Variants in CTNNA2 observed in about 807,000 individuals in gnomAD.
CTNNA2 encodes the protein catenin alpha-2.
CTNNA2 carries 42 observed loss-of-function variants against 101.0 expected under a neutral mutation model. The ratio of observed to expected loss-of-function variants is 0.42; its 90% CI spans 0.32 to 0.54. The LOEUF is 0.54. CTNNA2 is among the 20% of genes least tolerant of loss of function. CTNNA2 has a pLI of 0.14. For synonymous variants in CTNNA2, 450 were observed against 456.4 expected, an observed-to-expected ratio of 0.99 and a Z score of 0.18; for missense variants, 871 against 1,223.1, an observed-to-expected ratio of 0.71 and a Z score of 4.29.
intron 7 of CTNNA2, among the ~76,000 whole-genome samples, chr2:80,120,997 A>AG (rs1280883535): frequency 6.6e-6 from 1 of 152,212 alleles, no homozygotes; most frequent in Non-Finnish European, 1.5e-5. Context: ...TGGCTAATGA[A>AG]GGCATCTACT....
chr2:79,339,281 G>A lies in CTNNA2; in HGVS notation c.-318+26485G>A, dbSNP rs555724202. ...AGAATCCAAGAGAAGAGCATTTCAA[G>A]GGGAGTGAAAAGGAGTGTTGAGTGC... On this transcript the variant is annotated intron_variant, in intron 3 of 21. Coordinates refer to the CTNNA2 transcript ENST00000466387. Among the ~76,000 whole-genome samples the A allele has an allele frequency of 2.5e-3, 379 of 152,276 alleles. 2 individuals are homozygous for A. The highest frequency in any genetic ancestry group is 4.2e-3 in the Non-Finnish European group (289 of 68,028).
upstream of CTNNA2, among the ~76,000 whole-genome samples, chr2:79,508,087 G>A (rs762924341): frequency 3.3e-5 from 5 of 152,146 alleles, no homozygotes; most frequent in Non-Finnish European, 7.4e-5. Context: ...GTGAACATAT[G>A]AACCAGAGTG....
chr2:80,375,614 G>A (rs1675876694), intron 7 of CTNNA2, among the ~76,000 whole-genome samples: 1 of 136,712 alleles, frequency 7.3e-6, no homozygotes, highest in African/African-American at 2.8e-5. Context: ...GCCCAGGCTG[G>A]AGTGCAGTGG....
chr2:79,671,147 C>T (rs577021988), intron 2 of CTNNA2, among the ~76,000 whole-genome samples: 10 of 152,272 alleles, frequency 6.6e-5, no homozygotes, highest in Admixed American at 3.3e-4. Context: ...GCACTGGATC[C>T]TTGGGGAAAG....
intron 3 of CTNNA2, among the ~76,000 whole-genome samples, chr2:79,855,604 G>C (rs1161467354): frequency 6.6e-6 from 1 of 152,172 alleles, no homozygotes; most frequent in African/African-American, 2.4e-5. Flanking sequence ...CAGGGAAGGG[G>C]TGTGACTGCC....
chr2:79,977,105 T>C (rs58995989), intron 7 of CTNNA2, among the ~76,000 whole-genome samples: 198 of 152,320 alleles, frequency 1.3e-3, no homozygotes, highest in African/African-American at 4.7e-3. Flanking sequence ...AGAAATGTAT[T>C]AATAGGATAG....
At chr2:80,490,907 A>G (rs1234662217) in intron 9 of CTNNA2, among the ~76,000 whole-genome samples, 2 of 152,180 alleles carry the variant, frequency 1.3e-5, no homozygotes, top group East Asian at 1.9e-4. Flanking sequence ...TTTCGTATGA[A>G]CTGCCATTAA....
At chr2:79,308,031 T>C (rs1424844306) in intron 2 of CTNNA2, among the ~76,000 whole-genome samples, 1 of 152,144 alleles carries the variant, frequency 6.6e-6, no homozygotes, top group Admixed American at 6.6e-5. Flanking sequence ...GAAATGTCTA[T>C]TCAGATGATT....
At chr2:80,496,950 C>T (rs4852176) in intron 9 of CTNNA2, among the ~76,000 whole-genome samples, 4,705 of 152,156 alleles carry the variant, frequency 0.031, 191 homozygotes, top group East Asian at 0.15. Flanking sequence ...ATCATCAACA[C>T]GATGCCTTTT....
intron 9 of CTNNA2, among the ~76,000 whole-genome samples, chr2:80,484,751 A>C (rs75457715): frequency 0.029 from 4,469 of 152,300 alleles, 99 homozygotes; most frequent in East Asian, 0.13. Flanking sequence ...TCACACCTGT[A>C]ATCCCAGCAC....
intron 2 of CTNNA2, among the ~76,000 whole-genome samples, chr2:79,665,375 A>G (rs1015537268): frequency 6.6e-6 from 1 of 152,218 alleles, no homozygotes; most frequent in Non-Finnish European, 1.5e-5. Flanking sequence ...GCATACTTGT[A>G]TGTGTTACAT....
At chr2:80,607,282 A>T (rs539041875) in intron 16 of CTNNA2, among the ~76,000 whole-genome samples, 1 of 151,980 alleles carries the variant, frequency 6.6e-6, no homozygotes, top group Non-Finnish European at 1.5e-5. Context: ...GATACAGAAC[A>T]ATTAAATGGC....
At chr2:79,790,307 G>A (rs1056503253) in intron 3 of CTNNA2, among the ~76,000 whole-genome samples, 1 of 152,178 alleles carries the variant, frequency 6.6e-6, no homozygotes, top group African/African-American at 2.4e-5. Flanking sequence ...AAGGGGAAAG[G>A]CACTAGAGAG....
In CTNNA2 at chr2:80,576,061, TAAAC is replaced by T. The variant is rs531004667; in HGVS notation, c.1893+1750_1893+1753del. The stretch of plus-strand genomic sequence containing the variant: ...AAAAAATCCCTTGTGCTAAGGAAGA[TAAAC>T]AATAAGACAAGTAGAATTGTTTCTT... On this transcript the variant is annotated intron_variant, in intron 13 of 18. Coordinates refer to ENST00000402739, the MANE Select transcript of CTNNA2 (RefSeq NM_001282597.3). Among the ~76,000 whole-genome samples the T allele has an allele frequency of 3.9e-5, 6 of 152,298 alleles. No homozygotes were observed. In the East Asian group the frequency reaches 9.7e-4, roughly 25 times the overall value.
At chr2:79,962,422 T>C (rs964674237) in intron 7 of CTNNA2, among the ~76,000 whole-genome samples, 3 of 152,168 alleles carry the variant, frequency 2.0e-5, no homozygotes, top group African/African-American at 7.2e-5. Context: ...GGGGATGAGG[T>C]TTTAACATAT....
intron 9 of CTNNA2, among the ~76,000 whole-genome samples, chr2:80,434,888 G>A (rs1246747300): frequency 1.3e-5 from 2 of 152,080 alleles, no homozygotes; most frequent in African/African-American, 2.4e-5. Context: ...TAACTGGCCC[G>A]GCCTCATTTC....
intron 7 of CTNNA2, among the ~76,000 whole-genome samples, chr2:80,385,833 T>A (rs147234131): frequency 5.5e-4 from 83 of 152,248 alleles, no homozygotes; most frequent in Non-Finnish European, 7.9e-4. Flanking sequence ...AGTTTATCAA[T>A]CTCAGTGGGA....
intron 1 of CTNNA2, among the ~76,000 whole-genome samples, chr2:79,587,165 T>G (rs563781779): frequency 6.6e-6 from 1 of 152,334 alleles, no homozygotes; most frequent in African/African-American, 2.4e-5. Flanking sequence ...AATGACTTAT[T>G]TTTCTTTGGG....
chr2:79,961,388 T>G (rs1350793787), intron 7 of CTNNA2, among the ~76,000 whole-genome samples: 1 of 152,178 alleles, frequency 6.6e-6, no homozygotes, highest in Non-Finnish European at 1.5e-5. Flanking sequence ...ATTCCCTTAT[T>G]ACCAGCCTCA....
Sources: allele counts gnomAD v4.1 joint callset (sites outside exome capture counted in the v4.1 genomes callset), GRCh38; gene constraint gnomAD v4.1.1; transcripts MANE v1.5; gene names NCBI Gene and HGNC (gene_info 2026-07-23, HGNC 2026-07-21).